The following AGBL1 variants were observed in gnomAD, a reference collection of about 807,000 sequenced individuals.
AGBL1 encodes the protein AGBL carboxypeptidase 1.
Under a neutral mutation model 118.9 loss-of-function variants are expected in AGBL1, and 130 were observed. The observed-to-expected ratio is 1.09, with a 90% CI of 0.95 to 1.26. AGBL1 has a LOEUF of 1.26. Ranked by LOEUF, AGBL1 falls within the 50% of genes most tolerant of loss-of-function variation. The pLI, the probability that AGBL1 is intolerant of heterozygous loss-of-function variation, is 0.00. For synonymous variants in AGBL1, 555 were observed against 478.9 expected (o/e 1.16, Z -2.08); for missense variants, 1,584 against 1,298.1 (o/e 1.22, Z -3.38).
chr15:86,789,333 G>A (rs1388519129), intron 22 of AGBL1, among the ~76,000 whole-genome samples: 1 of 152,210 alleles, frequency 6.6e-6, no homozygotes, highest in Non-Finnish European at 1.5e-5. Context: ...ATCAATTGGA[G>A]TTAAGAGGGT....
chr15:86,479,468 C>T (rs956137179), intron 18 of AGBL1, among the ~76,000 whole-genome samples: 1 of 152,158 alleles, frequency 6.6e-6, no homozygotes, highest in Non-Finnish European at 1.5e-5. Context: ...CACCAACAGA[C>T]ACATGAAAAA....
intron 19 of AGBL1, among the ~76,000 whole-genome samples, chr15:86,542,524 G>C (rs1365950135): frequency 1.4e-5 from 2 of 145,472 alleles, no homozygotes; most frequent in African/African-American, 5.2e-5. Context: ...ATGCCACCAT[G>C]CCTGGCCAAT....
At chr15:86,250,663 G>A (rs151188835) in intron 7 of AGBL1, among the ~76,000 whole-genome samples, 1 of 151,176 alleles carries the variant, frequency 6.6e-6, no homozygotes, top group Non-Finnish European at 1.5e-5. Context: ...GATCATTGCA[G>A]GTGAAAGATA....
At chr15:86,092,015 C>T (rs73460833) in intron 1 of AGBL1, among the ~76,000 whole-genome samples, 1,737 of 152,280 alleles carry the variant, frequency 0.011, 41 homozygotes, top group African/African-American at 0.04. Context: ...ATTTGTACCT[C>T]TCTCTTGAAT....
chr15:86,608,210 G>A (rs140728888), intron 21 of AGBL1, among the ~76,000 whole-genome samples: 1 of 152,214 alleles, frequency 6.6e-6, no homozygotes, highest in Admixed American at 6.5e-5. Flanking sequence ...GGTGTTTCTG[G>A]AGAGAAACAC....
At chr15:86,866,753 G>A (rs2079636201) in intron 22 of AGBL1, among the ~76,000 whole-genome samples, 1 of 152,206 alleles carries the variant, frequency 6.6e-6, no homozygotes, top group South Asian at 2.1e-4. Flanking sequence ...ACTCAGGGCT[G>A]AGGCAGGAGA....
chr15:86,154,287 C>T (rs535478806), intron 3 of AGBL1, 143 bp from the exon 4 acceptor site: 30 of 843,134 alleles, frequency 3.6e-5, no homozygotes, highest in Non-Finnish European at 4.8e-5. Flanking sequence ...ACATATTTAG[C>T]AGCATTTGTC....
chr15:86,959,100 G>A (rs72755663), intron 23 of AGBL1, among the ~76,000 whole-genome samples: 6,353 of 152,174 alleles, frequency 0.042, 165 homozygotes, highest in Middle Eastern at 0.071. Flanking sequence ...TGAGATTTCA[G>A]TTACAGATGT....
intron 22 of AGBL1, among the ~76,000 whole-genome samples, chr15:86,898,033 G>A (rs568957111): frequency 4.0e-5 from 6 of 151,760 alleles, no homozygotes; most frequent in Admixed American, 2.6e-4. Flanking sequence ...CACACCTACC[G>A]AGTGCTGGGA....
chr15:86,619,575 G>A lies in AGBL1; in HGVS notation c.2995-54698G>A, dbSNP rs187115655. On this transcript the variant is annotated intron_variant, in intron 21 of 22. Transcript: ENST00000614907. ...CTTTCCTGTTAAGAGGTAATTAGAC[G>A]CTGCTGGTCAGTGCAGTCCTATGAG... 7.7e-4 allele frequency among the ~76,000 whole-genome samples: 117 copies of A among 152,272 alleles called. 1 individual carries two copies. In the Middle Eastern group the frequency reaches 0.01, roughly 13 times the overall value.
chr15:86,647,490 C>A (rs2085301723), intron 21 of AGBL1, among the ~76,000 whole-genome samples: 1 of 152,194 alleles, frequency 6.6e-6, no homozygotes, highest in Admixed American at 6.5e-5. Context: ...CACCTGAGGT[C>A]AGGAGTTTGA....
chr15:86,909,680 C>T lies in AGBL1; in HGVS notation c.*2386C>T, dbSNP rs914662988. On this transcript the variant is annotated 3_prime_UTR_variant, in exon 23 of 23. Coordinates refer to ENST00000614907, the MANE Select transcript of AGBL1 (RefSeq NM_001386094.1). ...TAACTCCTCCCATATTTAATCTTTC[C>T]ACTCTTAAATAAAGGCTAGCATAAT... 1.3e-5 allele frequency: 2 copies of T among 152,158 alleles called. No individual in the cohort carries two copies. The highest frequency in any genetic ancestry group is 2.9e-5 in the Non-Finnish European group (2 of 68,026). The allele number at this position is 152,158 out of a possible 1,614,324, so 9.4% of individuals were successfully genotyped here. A position where few individuals can be genotyped will look rare whatever the true frequency, so the allele number is the denominator to read the frequency against.
intron 18 of AGBL1, among the ~76,000 whole-genome samples, chr15:86,485,276 C>G (rs1177269155): frequency 6.6e-6 from 1 of 152,132 alleles, no homozygotes; most frequent in African/African-American, 2.4e-5. Flanking sequence ...CAGTGATCTT[C>G]GTGCAAAGTT....
chr15:87,020,852 C>A (rs1310769992), intron 24 of AGBL1, among the ~76,000 whole-genome samples: 2 of 151,966 alleles, frequency 1.3e-5, no homozygotes, highest in Non-Finnish European at 2.9e-5. Context: ...TCAGAGAGGA[C>A]ATAAATAAAC....
chr15:86,357,701 C>T (rs117596659), intron 17 of AGBL1, among the ~76,000 whole-genome samples: 5 of 152,192 alleles, frequency 3.3e-5, no homozygotes, highest in African/African-American at 1.2e-4. Flanking sequence ...TTTAACATAG[C>T]GTGCTTCTTT....
rs182213946 is a variant in AGBL1, at chr15:86,612,590, G to A, written c.2994+58053G>A. Among the ~76,000 whole-genome samples, 388 of 152,104 alleles carry A rather than the reference G, an allele frequency of 2.6e-3. 3 individuals carry two copies. The highest frequency in any genetic ancestry group is 3.8e-3 in the Non-Finnish European group (261 of 68,008). On this transcript the variant is annotated intron_variant, in intron 21 of 22. Coordinates refer to ENST00000614907, the MANE Select transcript of AGBL1 (RefSeq NM_001386094.1). The stretch of plus-strand genomic sequence containing the variant: ...AATACCGAATTCCAACCTGACTCTC[G>A]TACAGCATCACAGGACAGCAGGCCC...
At chr15:86,498,771 A>T (rs897375154) in intron 18 of AGBL1, among the ~76,000 whole-genome samples, 8 of 151,954 alleles carry the variant, frequency 5.3e-5, no homozygotes, top group African/African-American at 1.7e-4. Flanking sequence ...CCCATATTTG[A>T]CATTTTATAT....
chr15:86,280,221 G>A (rs1260624371), intron 16 of AGBL1, among the ~76,000 whole-genome samples: 1 of 152,108 alleles, frequency 6.6e-6, no homozygotes, highest in African/African-American at 2.4e-5. Flanking sequence ...AAACTTCTGA[G>A]TCTGTGTGCA....
chr15:86,805,882 A>G (rs747520916), intron 22 of AGBL1, among the ~76,000 whole-genome samples: 18 of 152,156 alleles, frequency 1.2e-4, no homozygotes, highest in East Asian at 1.9e-4. Flanking sequence ...GACAGACCCA[A>G]TAGAAGCAGG....
Sources: gnomAD v4.1 joint callset for allele counts (sites outside exome capture counted in the v4.1 genomes callset) on GRCh38, gnomAD v4.1.1 for gene constraint, MANE v1.5 for transcripts, NCBI Gene and HGNC (gene_info 2026-07-23, HGNC 2026-07-21) for gene names.